ZSWIM6: variants seen among roughly 807,000 people sequenced by gnomAD.
ZSWIM6 encodes zinc finger SWIM domain-containing protein 6.
Under a neutral mutation model 113.2 loss-of-function variants are expected in ZSWIM6, and 9 were observed. The observed-to-expected ratio is 0.08, with a 90% CI of 0.05 to 0.14. The LOEUF (loss-of-function observed/expected upper bound fraction) is 0.14, where lower values mean the gene tolerates loss of function less well. ZSWIM6 is among the 10% of genes least tolerant of loss of function. The pLI is 1.00. For synonymous variants in ZSWIM6, 611 were observed against 606.5 expected (o/e 1.01, Z -0.11); for missense variants, 1,162 against 1,552.2 (o/e 0.75, Z 4.22).
At position 61,543,076 on chromosome 5, in the gene ZSWIM6, G is replaced by A. The variant is rs17424296; in HGVS notation, c.2786-379G>A. Among the ~76,000 whole-genome samples the A allele has an allele frequency of 0.31, 47,243 of 152,000 alleles. 7,651 individuals are homozygous for A. The highest frequency in any genetic ancestry group is 0.36 in the Non-Finnish European group (24,624 of 67,960). On this transcript the variant is annotated intron_variant, in intron 13 of 13. Coordinates refer to ENST00000252744, the MANE Select transcript of ZSWIM6 (RefSeq NM_020928.2). The surrounding 1 kb of genome is among the most constrained non-coding windows in gnomAD (Gnocchi z 4.3). ...TTTTACCTTACACACAAGCACATAA[G>A]CCATGTAAAGTCCCTGTTTTGGTGA...
intron 1 of ZSWIM6, among the ~76,000 whole-genome samples, chr5:61,342,148 A>G (rs1170527674): frequency 2.0e-5 from 3 of 152,092 alleles, no homozygotes; most frequent in Non-Finnish European, 2.9e-5. Flanking sequence ...CTAAAATGCT[A>G]GGATTCAGAT....
intron 7 of ZSWIM6, among the ~76,000 whole-genome samples, chr5:61,529,562 A>G (rs960422634): frequency 4.6e-5 from 7 of 152,232 alleles, no homozygotes; most frequent in Non-Finnish European, 1.0e-4. Flanking sequence ...CTCAATTTAC[A>G]TGACCCAGTT....
At chr5:61,415,939 A>G (rs1246562675) in intron 1 of ZSWIM6, among the ~76,000 whole-genome samples, 2 of 152,248 alleles carry the variant, frequency 1.3e-5, no homozygotes, top group Non-Finnish European at 2.9e-5. Context: ...TGGGAGCTTA[A>G]GTTATTCAAG....
rs1196394412 is a variant in ZSWIM6, at chr5:61,525,948, C to T, written c.1662C>T (p.Phe554=). ...ATGACGACACTGAAAACTCCCTCTT[C>T]GACTCCCGCGGGTGGCCCCTCTGGC... ...CYHDDTENSL[F]DSRGWPLWHE... The change falls in exon 6 of 14, where the codon TTC becomes TTT. Residue 554 remains phenylalanine, a synonymous_variant. Coordinates refer to ENST00000252744, the MANE Select transcript of ZSWIM6 (RefSeq NM_020928.2). 1.2e-5 allele frequency: 19 copies of T among 1,552,030 alleles called. No individual in the cohort carries two copies. Among genetic ancestry groups the T allele is most frequent in the Admixed American group, 2.0e-5 (1 of 50,992 alleles).
At chr5:61,471,928 T>TTGTGTG (rs111311363) in intron 1 of ZSWIM6, among the ~76,000 whole-genome samples, 5,107 of 150,188 alleles carry the variant, frequency 0.034, 130 homozygotes, top group Non-Finnish European at 0.053. Context: ...TACCGTGTAT[T>TTGTGTG]TGTGTGTGTG....
chr5:61,518,808 C>T (rs1749033929), intron 4 of ZSWIM6, among the ~76,000 whole-genome samples: 1 of 152,094 alleles, frequency 6.6e-6, no homozygotes, highest in African/African-American at 2.4e-5. Flanking sequence ...TCCCATTTGT[C>T]AATTTTGGCT....
chr5:61,539,493 T>C (rs773880753), intron 11 of ZSWIM6, 103 bp from the exon 12 acceptor site: 17 of 1,331,470 alleles, frequency 1.3e-5, no homozygotes, highest in Non-Finnish European at 1.7e-5. Flanking sequence ...TTTGTTTCTT[T>C]TTTCCCCCTC....
intron 1 of ZSWIM6, among the ~76,000 whole-genome samples, chr5:61,401,655 C>A (rs1466327902): frequency 6.6e-6 from 1 of 152,102 alleles, no homozygotes; most frequent in Non-Finnish European, 1.5e-5. Context: ...CATAAATTAT[C>A]TGTCTAAAGA....
At chr5:61,386,969 G>C in intron 1 of ZSWIM6, among the ~76,000 whole-genome samples, 1 of 152,066 alleles carries the variant, frequency 6.6e-6, no homozygotes. Context: ...TTTATCTTTA[G>C]TTGTTAAGAC....
At chr5:61,390,443 TTA>T (rs1745683442) in intron 1 of ZSWIM6, among the ~76,000 whole-genome samples, 1 of 152,224 alleles carries the variant, frequency 6.6e-6, no homozygotes. Context: ...AGAAATATTT[TTA>T]GTGTTTTCCA....
intron 12 of ZSWIM6, 99 bp downstream of exon 12, chr5:61,539,858 A>G (rs1161366926): frequency 1.7e-6 from 2 of 1,198,148 alleles, no homozygotes; most frequent in South Asian, 1.6e-5. Flanking sequence ...GTGCAGGTAA[A>G]TGACTCTTTG....
chr5:61,371,549 T>C (rs1745262398), intron 1 of ZSWIM6, among the ~76,000 whole-genome samples: 1 of 152,106 alleles, frequency 6.6e-6, no homozygotes, highest in Non-Finnish European at 1.5e-5. Context: ...TGTAAGAGAG[T>C]TTTATTTGTT....
At chr5:61,481,497 C>T (rs761378184) in intron 2 of ZSWIM6, among the ~76,000 whole-genome samples, 9 of 151,792 alleles carry the variant, frequency 5.9e-5, no homozygotes, top group African/African-American at 4.8e-5. Context: ...AGAATTCTAC[C>T]GCTCCCACCA....
chr5:61,498,866 C>T (rs916475943), intron 4 of ZSWIM6, among the ~76,000 whole-genome samples: 2 of 152,096 alleles, frequency 1.3e-5, no homozygotes, highest in Non-Finnish European at 2.9e-5. Context: ...CTTTACTCTG[C>T]TTTATAGGTA....
intron 1 of ZSWIM6, among the ~76,000 whole-genome samples, chr5:61,444,488 G>A (rs900463619): frequency 5.3e-5 from 8 of 152,066 alleles, no homozygotes; most frequent in African/African-American, 1.9e-4. Flanking sequence ...GGGTCAAATG[G>A]TATTTCTAGT....
At chr5:61,467,800 T>C (rs904856054) in intron 1 of ZSWIM6, among the ~76,000 whole-genome samples, 2 of 152,178 alleles carry the variant, frequency 1.3e-5, no homozygotes, top group Non-Finnish European at 1.5e-5. Context: ...AGTAACTCTT[T>C]GAAATACTTT....
intron 1 of ZSWIM6, among the ~76,000 whole-genome samples, chr5:61,444,873 G>A (rs1156961360): frequency 6.6e-6 from 1 of 152,160 alleles, no homozygotes; most frequent in East Asian, 1.9e-4. Context: ...TCCCAGGTTT[G>A]AAGACGAGGC....
chr5:61,341,628 A>G (rs1443457752), intron 1 of ZSWIM6, among the ~76,000 whole-genome samples: 1 of 152,198 alleles, frequency 6.6e-6, no homozygotes, highest in Non-Finnish European at 1.5e-5. Context: ...GAATTTGCTG[A>G]AAGTTTGAAG....
At chr5:61,355,463 C>T (rs952047830) in intron 1 of ZSWIM6, among the ~76,000 whole-genome samples, 1 of 149,426 alleles carries the variant, frequency 6.7e-6, no homozygotes, top group Non-Finnish European at 1.5e-5. Context: ...CACACACACA[C>T]ACACACACAC....
Sources: allele counts gnomAD v4.1 joint callset (sites outside exome capture counted in the v4.1 genomes callset), GRCh38; gene constraint gnomAD v4.1.1; non-coding constraint Gnocchi (gnomAD v3.1); transcripts MANE v1.5; gene names NCBI Gene and HGNC (gene_info 2026-07-23, HGNC 2026-07-21).